DUSP22: variants seen among roughly 807,000 people sequenced by gnomAD.
The protein encoded by DUSP22 is dual specificity protein phosphatase 22.
Under a neutral mutation model 24.5 loss-of-function variants are expected in DUSP22, and 24 were observed. That is an observed-to-expected ratio of 0.98 (90% CI 0.71 to 1.38). The LOEUF (loss-of-function observed/expected upper bound fraction) is 1.38. DUSP22 is among the 40% of genes most tolerant of loss of function. The probability of loss-of-function intolerance (pLI) is 0.00; values close to 1 mark genes in which losing one functional copy is unlikely to be tolerated. For missense variants in DUSP22, 330 were observed against 269.2 expected, an observed-to-expected ratio of 1.23 and a Z score of -1.58; for synonymous variants, 160 against 106.4, an observed-to-expected ratio of 1.50 and a Z score of -3.10.
At chr6:345,732 A>C in intron 4 of DUSP22, 122 bp from the exon 5 acceptor site, 1 of 1,184,702 alleles carries the variant, frequency 8.4e-7, no homozygotes, top group Non-Finnish European at 1.2e-6. Flanking sequence ...ATGTAGAATT[A>C]TGTGTCAATT....
intron 3 of DUSP22, among the ~76,000 whole-genome samples, chr6:334,679 G>A (rs1759284417): frequency 6.6e-6 from 1 of 152,306 alleles, no homozygotes; most frequent in Non-Finnish European, 1.5e-5. Context: ...AAGCTGTAAT[G>A]TGACATTATA....
At chr6:345,237 T>TTTTC (rs1759804833) in intron 4 of DUSP22, among the ~76,000 whole-genome samples, 2 of 152,186 alleles carry the variant, frequency 1.3e-5, no homozygotes, top group African/African-American at 4.8e-5. Context: ...TTTTTTTTTT[T>TTTTC]TTTCCTCTGT....
chr6:333,846 A>T (rs1397874292), intron 3 of DUSP22, among the ~76,000 whole-genome samples: 1 of 152,294 alleles, frequency 6.6e-6, no homozygotes, highest in Non-Finnish European at 1.5e-5. Context: ...CCTGAGGGCC[A>T]GGTGGGGAGT....
At chr6:317,268 C>T (rs972604871) in intron 3 of DUSP22, among the ~76,000 whole-genome samples, 1 of 152,310 alleles carries the variant, frequency 6.6e-6, no homozygotes. Context: ...GCCACGTGGG[C>T]CTGAGGCCGA....
chr6:342,739 A>G (rs1464050357), intron 4 of DUSP22, among the ~76,000 whole-genome samples: 1 of 152,028 alleles, frequency 6.6e-6, no homozygotes, highest in Non-Finnish European at 1.5e-5. Context: ...GCCGGAGGTC[A>G]GGGGCAGAGA....
chr6:306,154 G>A (rs1012140044), intron 2 of DUSP22, among the ~76,000 whole-genome samples: 17 of 152,302 alleles, frequency 1.1e-4, no homozygotes, highest in South Asian at 4.1e-4. Flanking sequence ...TGTAGCAAAC[G>A]TCAGAGTTAT....
intron 1 of DUSP22, among the ~76,000 whole-genome samples, chr6:295,566 G>A (rs1757285855): frequency 6.6e-6 from 1 of 152,242 alleles, no homozygotes; most frequent in African/African-American, 2.4e-5. Flanking sequence ...CTTGAGTCCA[G>A]GAGTTTAGAA....
chr6:328,456 G>A (rs543608921), intron 3 of DUSP22, among the ~76,000 whole-genome samples: 1 of 152,424 alleles, frequency 6.6e-6, no homozygotes, highest in South Asian at 2.1e-4. Context: ...GATCTGACAA[G>A]TCAAATGCAT....
chr6:331,518 A>G (rs1240282299), intron 3 of DUSP22, among the ~76,000 whole-genome samples: 3 of 152,306 alleles, frequency 2.0e-5, no homozygotes, highest in African/African-American at 7.2e-5. Flanking sequence ...AAACTTCAAA[A>G]CCGGAGAGTG....
At chr6:331,989 A>C (rs1759161415) in intron 3 of DUSP22, among the ~76,000 whole-genome samples, 1 of 152,308 alleles carries the variant, frequency 6.6e-6, no homozygotes, top group African/African-American at 2.4e-5. Context: ...GTGTGGGCTG[A>C]AGCCCAGCTC....
At chr6:328,335 C>T (rs1394126723) in intron 3 of DUSP22, among the ~76,000 whole-genome samples, 1 of 152,306 alleles carries the variant, frequency 6.6e-6, no homozygotes, top group African/African-American at 2.4e-5. Context: ...CACTGCCTTC[C>T]CATAACCCAG....
rs369059027 is a variant in DUSP22, at chr6:348,863, G to C, written c.530G>C (p.Arg177Pro). The change falls in exon 7 of 7, where the codon CGC (arginine) becomes CCC (proline). Residue 177 changes from arginine (R) to proline (P), a missense_variant. Physicochemically the swap from Arg to Pro is moderately radical, Grantham distance 103 (BLOSUM62 -2). Transcript: ENST00000419235. ...NILGKYKEQG[R>P]TEPQPGARRW... Reference sequence around the variant, plus strand: ...CTGGGTAAATATAAGGAGCAAGGGCGCACAGAGCCCCAGCCCGGCGCCAGG... The same window carrying C: ...CTGGGTAAATATAAGGAGCAAGGGCCCACAGAGCCCCAGCCCGGCGCCAGG... 1 of 1,614,286 alleles carries C rather than the reference G, an allele frequency of 6.2e-7. No homozygotes were observed.
chr6:343,973 C>G (rs1460803037), intron 4 of DUSP22, among the ~76,000 whole-genome samples: 1 of 152,424 alleles, frequency 6.6e-6, no homozygotes, highest in African/African-American at 2.4e-5. Flanking sequence ...GTTTTATAAG[C>G]CATTCAAAGG....
rs1760034638 is a variant in DUSP22 at position 349,027 on chromosome 6, G to A, written c.*76G>A. ...GCTGGGCAGGGGTGCGGTGGTGGTGGCCGATGAGGACAGGAAAGGGAGATA... is the reference window on the plus strand; with the variant it reads ...GCTGGGCAGGGGTGCGGTGGTGGTGACCGATGAGGACAGGAAAGGGAGATA... On this transcript the variant is annotated 3_prime_UTR_variant, in exon 7 of 7. Coordinates refer to ENST00000419235, the MANE Select transcript of DUSP22 (RefSeq NM_001286555.3). The A allele has an allele frequency of 2.0e-6, 3 of 1,530,330 alleles. No homozygotes were observed. Among genetic ancestry groups the A allele is most frequent in the Non-Finnish European group, 1.8e-6 (2 of 1,137,622 alleles). 94.8% of individuals were successfully genotyped at this position (1,530,330 alleles called of 1,614,324 possible). A position where few individuals can be genotyped will look rare whatever the true frequency, so the allele number is the denominator to read the frequency against.
intron 1 of DUSP22, among the ~76,000 whole-genome samples, chr6:303,893 A>G (rs563853174): frequency 6.6e-6 from 1 of 152,426 alleles, no homozygotes; most frequent in African/African-American, 2.4e-5. Flanking sequence ...TATTTTTAAC[A>G]GATTCTGGAG....
At chr6:320,291 G>A (rs1485211198) in intron 3 of DUSP22, 5 of 152,866 alleles carry the variant, frequency 3.3e-5, no homozygotes, top group Non-Finnish European at 7.3e-5. Flanking sequence ...CTTCCTAGAT[G>A]TTGCCTTCAT....
At chr6:331,919 A>G (rs1263061080) in intron 3 of DUSP22, among the ~76,000 whole-genome samples, 1 of 152,308 alleles carries the variant, frequency 6.6e-6, no homozygotes, top group Non-Finnish European at 1.5e-5. Context: ...GTCCTGTTGC[A>G]GTGGCCAGGA....
intron 3 of DUSP22, among the ~76,000 whole-genome samples, chr6:331,734 C>T (rs1466468133): frequency 1.1e-4 from 16 of 152,308 alleles, no homozygotes; most frequent in Non-Finnish European, 2.2e-4. Context: ...TAAGGTAACT[C>T]AAATTCTGTA....
intron 3 of DUSP22, among the ~76,000 whole-genome samples, chr6:319,456 A>G (rs1218617029): frequency 6.6e-6 from 1 of 152,302 alleles, no homozygotes. Context: ...CTTCAAAGGG[A>G]GAAGATGGCC....
Sources: gnomAD v4.1 joint callset for allele counts (sites outside exome capture counted in the v4.1 genomes callset) on GRCh38, gnomAD v4.1.1 for gene constraint, MANE v1.5 for transcripts, NCBI Gene and HGNC (gene_info 2026-07-23, HGNC 2026-07-21) for gene names.